ROBO1: variants seen among roughly 807,000 people sequenced by gnomAD.
ROBO1 encodes roundabout guidance receptor 1.
ROBO1 carries 149 observed loss-of-function variants against 195.9 expected under a neutral mutation model. The ratio of observed to expected loss-of-function variants is 0.76; its 90% CI spans 0.67 to 0.87. The LOEUF (loss-of-function observed/expected upper bound fraction) is 0.87, where lower values mean the gene tolerates loss of function less well. Ranked by LOEUF, ROBO1 falls within the 40% of genes least tolerant of loss-of-function variation. The pLI is 0.00. For synonymous variants in ROBO1, 816 were observed against 733.2 expected (o/e 1.11, Z -1.82); for missense variants, 1,933 against 2,068.3 (o/e 0.93, Z 1.27).
chr3:78,742,297 G>C (rs2082552116), intron 5 of ROBO1, among the ~76,000 whole-genome samples: 1 of 151,910 alleles, frequency 6.6e-6, no homozygotes, highest in East Asian at 1.9e-4. Context: ...ATTAACAACA[G>C]AGATGAAAAC....
intron 4 of ROBO1, among the ~76,000 whole-genome samples, chr3:78,854,794 C>T (rs1443231856): frequency 6.6e-6 from 1 of 151,930 alleles, no homozygotes; most frequent in African/African-American, 2.4e-5. Flanking sequence ...TAAAAAAATG[C>T]GATGAAGATT....
At position 79,756,141 on chromosome 3, in the gene ROBO1, A is replaced by G. The variant is rs72903646; in HGVS notation, c.-51+11611T>C. On this transcript the variant is annotated intron_variant, in intron 1 of 30. Coordinates refer to ENST00000464233, the MANE Select transcript of ROBO1 (RefSeq NM_002941.4). Reference sequence around the variant, plus strand: ...TGCATTGTAGGTATGTTCATTTTCCACAAAATCTCTTGATTTATTGCCTTC... The same window carrying G: ...TGCATTGTAGGTATGTTCATTTTCCGCAAAATCTCTTGATTTATTGCCTTC... Among the ~76,000 whole-genome samples the G allele has an allele frequency of 7.3e-3, 1,107 of 152,316 alleles. 10 individuals carry two copies. The highest frequency in any genetic ancestry group is 0.025 in the African/African-American group (1,038 of 41,562).
At chr3:78,704,894 C>T (rs915482319) in intron 8 of ROBO1, among the ~76,000 whole-genome samples, 4 of 152,114 alleles carry the variant, frequency 2.6e-5, no homozygotes, top group African/African-American at 9.7e-5. Context: ...TGGCATGTAT[C>T]TTGATTATTT....
intron 2 of ROBO1, among the ~76,000 whole-genome samples, chr3:79,255,073 T>A (rs1029328783): frequency 6.6e-6 from 1 of 152,200 alleles, no homozygotes; most frequent in Admixed American, 6.5e-5. Context: ...AATACCATCA[T>A]CCATCTCATC....
chr3:79,064,466 T>C (rs1306521793), intron 3 of ROBO1, among the ~76,000 whole-genome samples: 1 of 151,950 alleles, frequency 6.6e-6, no homozygotes, highest in African/African-American at 2.4e-5. Context: ...ATGTTTTTCC[T>C]GTACTTCACC....
chr3:79,013,243 T>C (rs1479326724), intron 3 of ROBO1, among the ~76,000 whole-genome samples: 2 of 152,128 alleles, frequency 1.3e-5, no homozygotes, highest in Non-Finnish European at 2.9e-5. Context: ...AGCAAAATCT[T>C]TCCTCCAGTG....
chr3:79,767,597 A>G (rs1576338655), intron 1 of ROBO1, among the ~76,000 whole-genome samples, 155 bp downstream of exon 1: 1 of 152,112 alleles, frequency 6.6e-6, no homozygotes, highest in Admixed American at 6.6e-5. Context: ...ACCCCAAAAC[A>G]CCCTGGCGCA....
At chr3:79,599,514 C>T (rs1479327130) in intron 1 of ROBO1, among the ~76,000 whole-genome samples, 1 of 151,852 alleles carries the variant, frequency 6.6e-6, no homozygotes, top group Non-Finnish European at 1.5e-5. Context: ...GTTATATCCA[C>T]AGGGCATGAT....
At chr3:79,115,766 C>T (rs950406925) in intron 3 of ROBO1, among the ~76,000 whole-genome samples, 1 of 152,118 alleles carries the variant, frequency 6.6e-6, no homozygotes, top group African/African-American at 2.4e-5. Context: ...TTGGGGTAGA[C>T]GTTCTATGAA....
At chr3:78,650,546 A>T (rs1372478412) in intron 19 of ROBO1, among the ~76,000 whole-genome samples, 4 of 152,222 alleles carry the variant, frequency 2.6e-5, no homozygotes, top group Admixed American at 2.0e-4. Context: ...ATGCATAGGG[A>T]CATTCAAGTT....
At chr3:79,594,542 A>G (rs1420753012) in intron 1 of ROBO1, among the ~76,000 whole-genome samples, 1 of 152,056 alleles carries the variant, frequency 6.6e-6, no homozygotes, top group Non-Finnish European at 1.5e-5. Context: ...TTATAAGTGT[A>G]TGGAAGTAAT....
intron 1 of ROBO1, among the ~76,000 whole-genome samples, chr3:79,592,881 T>C (rs1227573876): frequency 6.6e-6 from 1 of 152,064 alleles, no homozygotes; most frequent in Admixed American, 6.6e-5. Context: ...AAATCCTTTG[T>C]GCTTCATCTA....
intron 1 of ROBO1, among the ~76,000 whole-genome samples, chr3:79,761,066 C>G (rs1704673616): frequency 6.8e-6 from 1 of 147,686 alleles, no homozygotes; most frequent in Admixed American, 6.8e-5. Flanking sequence ...TATATATGCA[C>G]TATATTATAT....
intron 1 of ROBO1, among the ~76,000 whole-genome samples, chr3:79,741,814 G>A (rs1397230589): frequency 6.6e-6 from 1 of 152,176 alleles, no homozygotes; most frequent in Non-Finnish European, 1.5e-5. Context: ...CCAGGCTGAG[G>A]AGGACTCAGA....
chr3:78,896,407 G>C lies in ROBO1; in HGVS notation c.499+42194C>G, dbSNP rs151119106. 1.1e-3 allele frequency among the ~76,000 whole-genome samples: 170 copies of C among 152,068 alleles called. 3 individuals carry two copies. The East Asian group carries it at 0.03, about 27-fold the overall frequency. On this transcript the variant is annotated intron_variant, in intron 4 of 30. Transcript: ENST00000464233. Reference sequence around the variant, plus strand: ...TGATGACATTCCACCATTGTAATTTGCTTCTGCCCCACCCTAACTGATCAA... The same window carrying C: ...TGATGACATTCCACCATTGTAATTTCCTTCTGCCCCACCCTAACTGATCAA...
chr3:78,944,882 C>G (rs374691555), intron 3 of ROBO1, among the ~76,000 whole-genome samples: 2 of 152,208 alleles, frequency 1.3e-5, no homozygotes, highest in African/African-American at 4.8e-5. Context: ...ACGTGGCTCA[C>G]AGGGTCCTAC....
rs553305815 is a variant in ROBO1, at chr3:79,686,459, T to C, written c.-51+81293A>G. ...CCTGTTTGCAGATGACATGATTGTA[T>C]ATCTAGAAAACCTCATCGTCTCAGC... On this transcript the variant is annotated intron_variant, in intron 1 of 30. Coordinates refer to ENST00000464233, the MANE Select transcript of ROBO1 (RefSeq NM_002941.4). Among the ~76,000 whole-genome samples the C allele has an allele frequency of 6.6e-3, 999 of 152,300 alleles. 5 individuals are homozygous for C. Among genetic ancestry groups the C allele is most frequent in the Non-Finnish European group, 0.011 (716 of 68,036 alleles).
chr3:78,622,172 C>T (rs1016120697), intron 26 of ROBO1, among the ~76,000 whole-genome samples: 4 of 151,920 alleles, frequency 2.6e-5, no homozygotes, highest in African/African-American at 4.8e-5. Context: ...TGTTGATCAC[C>T]TAGTTTACCC....
At chr3:79,691,492 G>T (rs931930881) in intron 1 of ROBO1, among the ~76,000 whole-genome samples, 6 of 151,274 alleles carry the variant, frequency 4.0e-5, no homozygotes, top group African/African-American at 1.5e-4. Flanking sequence ...TTAGCCATGA[G>T]ATATAACTCA....
Sources: allele counts gnomAD v4.1 joint callset (sites outside exome capture counted in the v4.1 genomes callset), GRCh38; gene constraint gnomAD v4.1.1; transcripts MANE v1.5; gene names NCBI Gene and HGNC (gene_info 2026-07-23, HGNC 2026-07-21).